The following LRRTM3 variants were observed in gnomAD, a reference collection of about 807,000 sequenced individuals.
LRRTM3 encodes leucine rich repeat transmembrane neuronal 3, also known as leucine-rich repeat transmembrane neuronal protein 3.
Under a neutral mutation model 44.7 loss-of-function variants are expected in LRRTM3, and 24 were observed. The ratio of observed to expected loss-of-function variants is 0.54; its 90% CI spans 0.39 to 0.76. LRRTM3 has a LOEUF of 0.76. LRRTM3 is among the 30% of genes least tolerant of loss of function. The pLI is 0.00. For missense variants in LRRTM3, 587 were observed against 702.2 expected (o/e 0.84, Z 1.85); for synonymous variants, 277 against 278.7 (o/e 0.99, Z 0.06).
At chr10:66,978,552 A>AAAAAAAAAAT in intron 2 of LRRTM3, among the ~76,000 whole-genome samples, 1 of 37,884 alleles carries the variant, frequency 2.6e-5, no homozygotes, top group African/African-American at 8.7e-5. Context: ...AAAAAAAAAA[A>AAAAAAAAAAT]ATATATATAT....
intron 2 of LRRTM3, among the ~76,000 whole-genome samples, chr10:66,976,575 T>C (rs1850044100): frequency 6.6e-6 from 1 of 152,180 alleles, no homozygotes. Flanking sequence ...AAATCTACAG[T>C]GACTTCCCTA....
rs146883172 is a variant in LRRTM3 at position 67,053,733 on chromosome 10, T to C, written c.1537-43854T>C. On this transcript the variant is annotated intron_variant, in intron 2 of 2. Coordinates refer to ENST00000361320, the MANE Select transcript of LRRTM3 (RefSeq NM_178011.5). ...TGAAAAAATAAATGGTGGTAAGCAATGGAGAAAAGGAGTATGAAACGAATT... is the reference window on the plus strand; with the variant it reads ...TGAAAAAATAAATGGTGGTAAGCAACGGAGAAAAGGAGTATGAAACGAATT... Among the ~76,000 whole-genome samples, 346 of 152,256 alleles carry C rather than the reference T, an allele frequency of 2.3e-3. 1 individual carries two copies. The highest frequency in any genetic ancestry group is 7.8e-3 in the African/African-American group (326 of 41,552).
At chr10:66,961,667 C>A (rs1013964726) in intron 2 of LRRTM3, among the ~76,000 whole-genome samples, 1 of 152,090 alleles carries the variant, frequency 6.6e-6, no homozygotes. Flanking sequence ...TAGCCTTGAT[C>A]TCTCCCCTGA....
chr10:67,022,775 A>C (rs1341571097), intron 2 of LRRTM3, among the ~76,000 whole-genome samples: 2 of 151,978 alleles, frequency 1.3e-5, no homozygotes, highest in Non-Finnish European at 2.9e-5. Flanking sequence ...GTCTCTGCTA[A>C]AAATACAAAA....
chr10:67,018,586 T>C (rs1248228865), intron 2 of LRRTM3, among the ~76,000 whole-genome samples: 2 of 152,218 alleles, frequency 1.3e-5, no homozygotes, highest in African/African-American at 4.8e-5. Flanking sequence ...CTAGTGTTGT[T>C]ACCTAGTGAT....
At chr10:66,954,834 C>T (rs1848707499) in intron 2 of LRRTM3, among the ~76,000 whole-genome samples, 1 of 152,058 alleles carries the variant, frequency 6.6e-6, no homozygotes, top group Non-Finnish European at 1.5e-5. Context: ...AGGCCTTGGG[C>T]TACAAGTAGA....
intron 2 of LRRTM3, among the ~76,000 whole-genome samples, chr10:67,051,819 AT>A (rs1855117964): frequency 6.6e-6 from 1 of 151,238 alleles, no homozygotes; most frequent in Non-Finnish European, 1.5e-5. Context: ...CAGTGGCACC[AT>A]CTCGGCTCAC....
At chr10:67,027,955 C>T (rs1015105971) in intron 2 of LRRTM3, among the ~76,000 whole-genome samples, 4 of 152,160 alleles carry the variant, frequency 2.6e-5, no homozygotes, top group African/African-American at 4.8e-5. Flanking sequence ...AAATCTCCAT[C>T]TGTTTTCTCA....
chr10:67,034,237 C>T (rs1004978241), intron 2 of LRRTM3, among the ~76,000 whole-genome samples: 2 of 152,172 alleles, frequency 1.3e-5, no homozygotes, highest in Admixed American at 6.5e-5. Flanking sequence ...CTTTCTTTAA[C>T]CACACTGGAG....
intron 2 of LRRTM3, among the ~76,000 whole-genome samples, chr10:67,056,688 T>C (rs1336150384): frequency 6.6e-6 from 1 of 152,154 alleles, no homozygotes; most frequent in Non-Finnish European, 1.5e-5. Context: ...CCCACAAAAT[T>C]ACATTATACA....
intron 2 of LRRTM3, among the ~76,000 whole-genome samples, chr10:67,063,845 T>C (rs1855903981): frequency 6.6e-6 from 1 of 152,138 alleles, no homozygotes; most frequent in East Asian, 1.9e-4. Context: ...GGTAGAAAAT[T>C]CTAAAAGGAT....
At chr10:66,993,402 G>C in intron 2 of LRRTM3, among the ~76,000 whole-genome samples, 1 of 152,178 alleles carries the variant, frequency 6.6e-6, no homozygotes, top group South Asian at 2.1e-4. Flanking sequence ...TGATGGGGGA[G>C]TGGCAATGTC....
At chr10:67,003,085 C>A (rs1164485463) in intron 2 of LRRTM3, among the ~76,000 whole-genome samples, 1 of 152,120 alleles carries the variant, frequency 6.6e-6, no homozygotes, top group African/African-American at 2.4e-5. Flanking sequence ...CTTTTAGCTA[C>A]AACACTCAAA....
rs537065843 is a variant in LRRTM3 at position 66,954,677 on chromosome 10, A to G, written c.1536+26225A>G. On this transcript the variant is annotated intron_variant, in intron 2 of 2. Coordinates refer to ENST00000361320, the MANE Select transcript of LRRTM3 (RefSeq NM_178011.5). ...TTAGATAAATTTGGATTAAAATCCA[A>G]TGTGCTAGCAGGCCTCAAAATGTTA... Among the ~76,000 whole-genome samples the G allele has an allele frequency of 8.5e-5, 13 of 152,344 alleles. No homozygotes were observed. The East Asian group carries it at 2.3e-3, about 27-fold the overall frequency.
intron 2 of LRRTM3, among the ~76,000 whole-genome samples, chr10:66,952,456 C>T (rs550955824): frequency 1.7e-4 from 26 of 152,182 alleles, no homozygotes; most frequent in African/African-American, 5.8e-4. Flanking sequence ...GCCTTGGAGA[C>T]GATTCAGGGT....
chr10:66,951,088 TACACACACACAC>T (rs3056558), intron 2 of LRRTM3, among the ~76,000 whole-genome samples: 6 of 146,066 alleles, frequency 4.1e-5, no homozygotes, highest in African/African-American at 1.5e-4. Context: ...TAACATTAAA[TACACACACACAC>T]ACACACACAC....
Position 66,983,199 on chromosome 10 carries a change from T to A in LRRTM3, c.1536+54747T>A, listed in dbSNP as rs1850543005. Among the ~76,000 whole-genome samples, 2 of 152,166 alleles carry A rather than the reference T, an allele frequency of 1.3e-5. 1 individual carries two copies. The highest frequency in any genetic ancestry group is 4.1e-4 in the South Asian group (2 of 4,824). On this transcript the variant is annotated intron_variant, in intron 2 of 2. Transcript: ENST00000361320. Reference sequence around the variant, plus strand: ...CTGCAGTGTCTACAGCTCAGCACACTCGGCAGAAAGACAAATGGAGGCTTT... The same window carrying A: ...CTGCAGTGTCTACAGCTCAGCACACACGGCAGAAAGACAAATGGAGGCTTT...
chr10:67,020,954 A>C (rs1394584826), intron 2 of LRRTM3, among the ~76,000 whole-genome samples: 3 of 152,208 alleles, frequency 2.0e-5, no homozygotes, highest in Non-Finnish European at 2.9e-5. Flanking sequence ...GTGTGAGAAA[A>C]GGCTAGAAGG....
At chr10:67,014,943 T>C (rs1047355080) in intron 2 of LRRTM3, among the ~76,000 whole-genome samples, 1 of 152,136 alleles carries the variant, frequency 6.6e-6, no homozygotes, top group Non-Finnish European at 1.5e-5. Flanking sequence ...TATTTTCTTT[T>C]CCTTTAATTT....
Sources: allele counts gnomAD v4.1 joint callset (sites outside exome capture counted in the v4.1 genomes callset), GRCh38; gene constraint gnomAD v4.1.1; transcripts MANE v1.5; gene names NCBI Gene and HGNC (gene_info 2026-07-23, HGNC 2026-07-21).